The following ZMYND10 variants were observed in gnomAD, a reference collection of about 807,000 sequenced individuals.
ZMYND10 encodes the protein zinc finger MYND-type containing 10, also known as zinc finger MYND domain-containing protein 10.
ZMYND10 carries 52 observed loss-of-function variants against 62.6 expected under a neutral mutation model. That is an observed-to-expected ratio of 0.83 (90% CI 0.67 to 1.05). The LOEUF is 1.05. Among genes scored for constraint, ZMYND10 ranks in the 50% least tolerant of loss-of-function variants. The pLI is 0.00. For missense variants in ZMYND10, 438 were observed against 543.3 expected, an observed-to-expected ratio of 0.81 and a Z score of 1.93; for synonymous variants, 197 against 218.5, an observed-to-expected ratio of 0.90 and a Z score of 0.87.
chr3:50,341,917 C>G lies in ZMYND10; in HGVS notation c.1014G>C (p.Trp338Cys), dbSNP rs773101133. The G allele has an allele frequency of 3.7e-6, 6 of 1,614,202 alleles. No individual in the cohort carries two copies. In the South Asian group the frequency reaches 5.5e-5, roughly 15 times the overall value. Residue 338 changes from tryptophan to cysteine, a missense_variant, in exon 10 of 12, where the codon TGG becomes TGC. Physicochemically the swap from Trp to Cys is radical, Grantham distance 215. Transcript: ENST00000231749. ...CTCTGTTTTCTCGCTCCAGCCGCTC[C>G]CAGATTTCTGGGATCTAGGAGAGAG... ...DLVLEQIPEI[W>C]ERLERENRGK...
chr3:50,343,948 A>C, intron 2 of ZMYND10, 98 bp from the exon 3 acceptor site: 1 of 1,067,804 alleles, frequency 9.4e-7, no homozygotes, highest in Non-Finnish European at 1.4e-6. Context: ...ATCCCCAAAC[A>C]CTGCTGGGCC....
rs758983105 is a variant in ZMYND10 at position 50,342,979 on chromosome 3, G to C, written c.639C>G (p.His213Gln). ...LSTLSRMLST[H>Q]NLPCLLVELL... ...GTTCCACCAGGAGGCAGGGCAGGTT[G>C]TGTGTGCTAAGCATACGGCTCAAGG... is the stretch of plus-strand genomic sequence containing the variant. The change falls in exon 7 of 12, where the codon CAC (histidine) becomes CAG (glutamine). Residue 213 changes from histidine to glutamine, a missense_variant. Coordinates refer to ENST00000231749, the MANE Select transcript of ZMYND10 (RefSeq NM_015896.4). The C allele has an allele frequency of 6.2e-7, 1 of 1,614,184 alleles. No individual in the cohort carries two copies. Among genetic ancestry groups the C allele is most frequent in the Non-Finnish European group, 8.5e-7 (1 of 1,180,018 alleles).
Position 50,341,300 on chromosome 3 carries a change from C to G in ZMYND10, c.*110G>C. The G allele has an allele frequency of 7.3e-7, 1 of 1,360,930 alleles. No individual in the cohort carries two copies. Among genetic ancestry groups the G allele is most frequent in the Non-Finnish European group, 1.0e-6 (1 of 978,598 alleles). 84.3% of individuals were successfully genotyped at this position (1,360,930 alleles called of 1,614,324 possible). On this transcript the variant is annotated 3_prime_UTR_variant, in exon 12 of 12. Transcript: ENST00000231749. ...GCTTTACCGCCCGCTCTGCTCTCCA[C>G]TGCGGAGACTGGGGCTCCGGCAGAG...
rs182064110 is a variant in ZMYND10 at position 50,341,601 on chromosome 3, C to T, written c.1220G>A (p.Arg407Gln). 8 of 1,614,270 alleles carry T rather than the reference C, an allele frequency of 5.0e-6. No homozygotes were observed. The highest frequency in any genetic ancestry group is 1.7e-5 in the Admixed American group (1 of 60,032). Residue 407 changes from arginine to glutamine, a missense_variant, in exon 11 of 12, where the codon CGA becomes CAA. Arg to Gln is a conservative substitution (Grantham distance 43, BLOSUM62 1). Coordinates refer to ENST00000231749, the MANE Select transcript of ZMYND10 (RefSeq NM_015896.4). Reference protein sequence around the residue: ...CSAEASKRCSRCQNEWYCCRE... With the variant: ...CSAEASKRCSQCQNEWYCCRE... ...GCAGCAATACCACTCATTCTGGCAT[C>T]GTGAGCAGCGCTTAGAAGCCTCTGC...
chr3:50,341,521 G>A (rs777093621), intron 11 of ZMYND10, 36 bp from the exon 12 acceptor site: 24 of 1,614,148 alleles, frequency 1.5e-5, no homozygotes, highest in Non-Finnish European at 2.0e-5. Flanking sequence ...GGCAATGCAT[G>A]TGGGGGATGT....
rs910473530 is a variant in ZMYND10 at position 50,345,272 on chromosome 3, C to T, written c.93-40G>A. On this transcript the variant is annotated intron_variant, in intron 1 of 11. Transcript: ENST00000231749. This position sits in a 1 kb window ranked among gnomAD's most constrained non-coding sequence, Gnocchi z 5.0. ...AAGTGCATGTGCGTCCACGTGTGTG[C>T]ATTAGGAGTGGGGATGGGGGCTGGA... 6.3e-7 allele frequency: 1 copy of T among 1,596,432 alleles called. No homozygotes were observed. Among genetic ancestry groups the T allele is most frequent in the African/African-American group, 1.3e-5 (1 of 74,764 alleles).
At position 50,341,276 on chromosome 3, in the gene ZMYND10, C is replaced by T. The variant is rs112780151; in HGVS notation, c.*134G>A. 1.8e-6 allele frequency: 2 copies of T among 1,128,114 alleles called. No homozygotes were observed. Among genetic ancestry groups the T allele is most frequent in the Admixed American group, 2.1e-5 (1 of 46,612 alleles). The allele number at this position is 1,128,114 out of a possible 1,614,324, so 69.9% of individuals were successfully genotyped here. ...GAGGAGGAGGGAGATCGGTCAGCAG[C>T]TTTACCGCCCGCTCTGCTCTCCACT... On this transcript the variant is annotated 3_prime_UTR_variant, in exon 12 of 12. Coordinates refer to ENST00000231749, the MANE Select transcript of ZMYND10 (RefSeq NM_015896.4).
chr3:50,341,561 A>C lies in ZMYND10; in HGVS notation c.1247+13T>G. The C allele has an allele frequency of 1.9e-6, 3 of 1,614,176 alleles. No individual in the cohort carries two copies. Among genetic ancestry groups the C allele is most frequent in the Non-Finnish European group, 2.5e-6 (3 of 1,180,004 alleles). On this transcript the variant is annotated intron_variant, in intron 11 of 11. Transcript: ENST00000231749. ...GTAGGGCTTAGAGGTCCAAGGTTCT[A>C]GGATACCCTCACCTGCAGCAATACC...
In ZMYND10 at chr3:50,341,475, C is replaced by T. The variant is rs975118581; in HGVS notation, c.1258G>A (p.Val420Ile). The T allele has an allele frequency of 6.2e-7, 1 of 1,614,248 alleles. No individual in the cohort carries two copies. Among genetic ancestry groups the T allele is most frequent in the Non-Finnish European group, 8.5e-7 (1 of 1,180,034 alleles). The change falls in exon 12 of 12, where the codon GTC (valine) becomes ATC (isoleucine). Residue 420 changes from valine (V) to isoleucine (I), a missense_variant. Physicochemically the swap from Val to Ile is conservative, Grantham distance 29. Coordinates refer to ENST00000231749, the MANE Select transcript of ZMYND10 (RefSeq NM_015896.4). ...TTTCCATGCTTTTCCCAGTGCTTGACTTGGCACTCCCTGCAGGCAGGTGGG... is the reference window on the plus strand; with the variant it reads ...TTTCCATGCTTTTCCCAGTGCTTGATTTGGCACTCCCTGCAGGCAGGTGGG... ...NEWYCCRECQ[V>I]KHWEKHGKTC...
In ZMYND10 at chr3:50,343,376, C is replaced by T. The variant is rs1437758575; in HGVS notation, c.441G>A (p.Leu147=). 1 of 1,613,734 alleles carries T rather than the reference C, an allele frequency of 6.2e-7. No individual in the cohort carries two copies. Among genetic ancestry groups the T allele is most frequent in the Non-Finnish European group, 8.5e-7 (1 of 1,179,808 alleles). Residue 147 remains leucine (L), a synonymous_variant, in exon 5 of 12, where the codon CTG becomes CTA. Transcript: ENST00000231749. ...LVDYCHRKLT[L]LVAQSGCGGP... is the part of the protein sequence containing the mutation. ...CACCACAGCCACTCTGGGCCACCAG[C>T]AGGGTCAGTTTGCGGTGGCAATAGT...
intron 2 of ZMYND10, chr3:50,344,096 C>A: frequency 2.0e-6 from 1 of 511,400 alleles, no homozygotes; most frequent in Non-Finnish European, 3.6e-6. Context: ...TCCCAGACTG[C>A]CTTGCCCTGC....
chr3:50,345,311 T>G lies in ZMYND10; in HGVS notation c.93-79A>C. ...ATGGGGGCTGGATCCTACTGAAGCCTAACCTGATCCTGAGGGGACACAGGG... is the reference window on the plus strand; with the variant it reads ...ATGGGGGCTGGATCCTACTGAAGCCGAACCTGATCCTGAGGGGACACAGGG... On this transcript the variant is annotated intron_variant, in intron 1 of 11. Coordinates refer to ENST00000231749, the MANE Select transcript of ZMYND10 (RefSeq NM_015896.4). The surrounding 1 kb of genome is among the most constrained non-coding windows in gnomAD (Gnocchi z 5.0). The G allele has an allele frequency of 6.5e-7, 1 of 1,535,660 alleles. No individual in the cohort carries two copies. Among genetic ancestry groups the G allele is most frequent in the Non-Finnish European group, 8.9e-7 (1 of 1,126,602 alleles).
Position 50,341,206 on chromosome 3 carries a change from C to T in ZMYND10, c.*204G>A. The T allele has an allele frequency of 1.5e-6, 1 of 685,278 alleles. No individual in the cohort carries two copies. Among genetic ancestry groups the T allele is most frequent in the South Asian group, 1.9e-5 (1 of 53,146 alleles). 42.4% of individuals were successfully genotyped at this position (685,278 alleles called of 1,614,324 possible). A position where few individuals can be genotyped will look rare whatever the true frequency, so the allele number is the denominator to read the frequency against. ...GGTTTGCTGAAGCAACACACTTGGC[C>T]TACCCACTGGGTGGGGCAGGAAGTC... On this transcript the variant is annotated 3_prime_UTR_variant, in exon 12 of 12. Coordinates refer to ENST00000231749, the MANE Select transcript of ZMYND10 (RefSeq NM_015896.4).
chr3:50,341,866 G>A lies in ZMYND10; in HGVS notation c.1065C>T (p.His355=). ...AGGGGCTGAACACATGCTGGAGCTG[G>A]TGCTTGGCAATTGCCTGCCACTTGC... ...NRGKWQAIAK[H]QLQHVFSPSE... Residue 355 remains histidine, a synonymous_variant, in exon 10 of 12, where the codon CAC becomes CAT. Coordinates refer to ENST00000231749, the MANE Select transcript of ZMYND10 (RefSeq NM_015896.4). 1 of 1,614,176 alleles carries A rather than the reference G, an allele frequency of 6.2e-7. No homozygotes were observed.
At position 50,345,325 on chromosome 3, in the gene ZMYND10, G is replaced by A; in HGVS notation, c.93-93C>T. The stretch of plus-strand genomic sequence containing the variant: ...CTACTGAAGCCTAACCTGATCCTGA[G>A]GGGACACAGGGGGCTCAGGAGCAGT... On this transcript the variant is annotated intron_variant, in intron 1 of 11. Transcript: ENST00000231749. This position sits in a 1 kb window ranked among gnomAD's most constrained non-coding sequence, Gnocchi z 5.0. The A allele has an allele frequency of 6.6e-7, 1 of 1,507,610 alleles. No individual in the cohort carries two copies. The highest frequency in any genetic ancestry group is 9.0e-7 in the Non-Finnish European group (1 of 1,107,824). 93.4% of individuals were successfully genotyped at this position (1,507,610 alleles called of 1,614,324 possible).
At position 50,345,675 on chromosome 3, in the gene ZMYND10, A is replaced by T; in HGVS notation, c.-96T>A. On this transcript the variant is annotated 5_prime_UTR_variant, in exon 1 of 12. Coordinates refer to ENST00000231749, the MANE Select transcript of ZMYND10 (RefSeq NM_015896.4). This position sits in a 1 kb window ranked among gnomAD's most constrained non-coding sequence, Gnocchi z 5.0. ...GACCCCGACGGTGCCAAAGTCTGGG[A>T]CAGGACAGTTGCGGGACGGTTGGGG... The T allele has an allele frequency of 6.5e-7, 1 of 1,532,894 alleles. No homozygotes were observed. Among genetic ancestry groups the T allele is most frequent in the Non-Finnish European group, 8.8e-7 (1 of 1,138,748 alleles). The allele number at this position is 1,532,894 out of a possible 1,614,324, so 95.0% of individuals were successfully genotyped here.
rs746985103 is a variant in ZMYND10, at chr3:50,341,825, C to T, written c.1106G>A (p.Arg369Gln). ...CAGGCCTTACCTTCGCGCCTGCAGC[C>T]GCAGGTCCTGCTCTGAGGGGCTGAA... is the stretch of plus-strand genomic sequence containing the variant. ...HVFSPSEQDL[R>Q]LQARRWAETY... Residue 369 changes from arginine (R) to glutamine (Q), a missense_variant, in exon 10 of 12, where the codon CGG (arginine) becomes CAG (glutamine). By Grantham distance (43) the Arg-to-Gln change is conservative (BLOSUM62 1). Transcript: ENST00000231749. The T allele has an allele frequency of 8.1e-6, 13 of 1,613,916 alleles. No individual in the cohort carries two copies. Among genetic ancestry groups the T allele is most frequent in the East Asian group, 2.2e-5 (1 of 44,896 alleles).
chr3:50,341,383 G>C lies in ZMYND10; in HGVS notation c.*27C>G. The C allele has an allele frequency of 6.2e-7, 1 of 1,613,428 alleles. No individual in the cohort carries two copies. Among genetic ancestry groups the C allele is most frequent in the Non-Finnish European group, 8.5e-7 (1 of 1,179,884 alleles). On this transcript the variant is annotated 3_prime_UTR_variant, in exon 12 of 12. Coordinates refer to ENST00000231749, the MANE Select transcript of ZMYND10 (RefSeq NM_015896.4). ...TTCTGGGTGGATTCCCTTGGCATGGGTGGTCGGCCCTCAGCAACTGCAGCC... is the reference window on the plus strand; with the variant it reads ...TTCTGGGTGGATTCCCTTGGCATGGCTGGTCGGCCCTCAGCAACTGCAGCC...
Position 50,342,447 on chromosome 3 carries a change from C to A in ZMYND10, c.823G>T (p.Ala275Ser), listed in dbSNP as rs1703410279. 1.2e-6 allele frequency: 2 copies of A among 1,610,776 alleles called. No individual in the cohort carries two copies. The highest frequency in any genetic ancestry group is 1.7e-6 in the Non-Finnish European group (2 of 1,178,348). The change falls in exon 8 of 12, where the codon GCT becomes TCT. Residue 275 changes from alanine (A) to serine (S), a missense_variant. Coordinates refer to ENST00000231749, the MANE Select transcript of ZMYND10 (RefSeq NM_015896.4). ...ALYNLLLSPEAQARYCLTSFA... is the reference protein window; with the variant it reads ...ALYNLLLSPESQARYCLTSFA... ...CTTGTGAGGCAGTAGCGCGCCTGAG[C>A]CTCAGGGCTTAGCAGCAGGTTGTAC...
Sources: allele counts gnomAD v4.1 joint callset, GRCh38; gene constraint gnomAD v4.1.1; non-coding constraint Gnocchi (gnomAD v3.1); transcripts MANE v1.5; gene names NCBI Gene and HGNC (gene_info 2026-07-23, HGNC 2026-07-21).